RAD21: variants seen among roughly 807,000 people sequenced by gnomAD.
The protein encoded by RAD21 is RAD21 cohesin complex component.
In RAD21, 18 loss-of-function variants were observed where a neutral mutation model predicts 71.5. The ratio of observed to expected loss-of-function variants is 0.25; its 90% CI spans 0.17 to 0.37. The LOEUF is 0.37. RAD21 is among the 10% of genes least tolerant of loss of function. The pLI is 1.00. For missense variants in RAD21, 493 were observed against 769.1 expected (o/e 0.64, Z 4.25); for synonymous variants, 248 against 254.0 (o/e 0.98, Z 0.22).
intron 12 of RAD21, chr8:116,849,278 TGCGCTA>T: frequency 2.6e-6 from 1 of 389,632 alleles, no homozygotes; most frequent in Non-Finnish European, 4.5e-6. Flanking sequence ...GCTTCTATAT[TGCGCTA>T]TAAGGATGCT....
chr8:116,866,948 G>GA (rs941878102), intron 1 of RAD21, 187 bp from the exon 2 acceptor site: 643 of 371,616 alleles, frequency 1.7e-3, no homozygotes, highest in East Asian at 2.5e-3. Flanking sequence ...TTTGAGAGAG[G>GA]AAAAAAAAAT....
intron 2 of RAD21, among the ~76,000 whole-genome samples, chr8:116,864,301 C>T (rs1010570013): frequency 6.6e-6 from 1 of 151,750 alleles, no homozygotes; most frequent in Non-Finnish European, 1.5e-5. Flanking sequence ...TCTAAGGTAA[C>T]AAAAAAAGCT....
chr8:116,862,546 C>T (rs1428938261), intron 3 of RAD21, among the ~76,000 whole-genome samples: 1 of 151,956 alleles, frequency 6.6e-6, no homozygotes, highest in Non-Finnish European at 1.5e-5. Flanking sequence ...TCAGTAGAAA[C>T]TGTTTAAGGC....
intron 8 of RAD21, 104 bp from the exon 9 acceptor site, chr8:116,854,572 G>A: frequency 1.2e-6 from 1 of 827,532 alleles, no homozygotes; most frequent in Non-Finnish European, 1.9e-6. Flanking sequence ...TCTACACACA[G>A]ACTCTAGCAG....
At chr8:116,862,134 C>T (rs925462780) in intron 3 of RAD21, among the ~76,000 whole-genome samples, 194 bp from the exon 4 acceptor site, 4 of 152,036 alleles carry the variant, frequency 2.6e-5, no homozygotes, top group Non-Finnish European at 5.9e-5. Flanking sequence ...AGGAAAAAGT[C>T]AAAGCACTAA....
intron 1 of RAD21, among the ~76,000 whole-genome samples, chr8:116,868,408 T>G (rs1410613541): frequency 1.3e-5 from 2 of 152,176 alleles, no homozygotes; most frequent in African/African-American, 4.8e-5. Flanking sequence ...TAGAAGGACA[T>G]TTAGTTGCTT....
At chr8:116,849,968 C>T (rs16888890) in intron 12 of RAD21, among the ~76,000 whole-genome samples, 5,128 of 151,724 alleles carry the variant, frequency 0.034, 312 homozygotes, top group African/African-American at 0.12. Flanking sequence ...GTAACATATC[C>T]GATAGAGTAT....
intron 1 of RAD21, among the ~76,000 whole-genome samples, chr8:116,867,273 T>C (rs1391365904): frequency 1.3e-5 from 2 of 152,184 alleles, no homozygotes; most frequent in African/African-American, 4.8e-5. Flanking sequence ...GCTAAGCAGA[T>C]GGGCTGGCCC....
Position 116,857,414 on chromosome 8 carries a change from C to G in RAD21, c.541G>C (p.Asp181His), listed in dbSNP as rs1462000579. ...MREGSAFEDDDMLVSTTTSNL... is the reference protein window; with the variant it reads ...MREGSAFEDDHMLVSTTTSNL... ...GAAGTAGTAGTGCTTACTAACATGTCGTCATCCTCAAAAGCACTGCCTTCT... is the reference window on the plus strand; with the variant it reads ...GAAGTAGTAGTGCTTACTAACATGTGGTCATCCTCAAAAGCACTGCCTTCT... The change falls in exon 6 of 14, where the codon GAC (aspartate) becomes CAC (histidine). Residue 181 changes from aspartate to histidine, a missense_variant. Physicochemically the swap from Asp to His is moderately conservative, Grantham distance 81. Coordinates refer to ENST00000297338, the MANE Select transcript of RAD21 (RefSeq NM_006265.3). 6.2e-7 allele frequency: 1 copy of G among 1,613,400 alleles called. No individual in the cohort carries two copies. The highest frequency in any genetic ancestry group is 1.7e-5 in the Admixed American group (1 of 59,904).
chr8:116,872,220 C>T (rs997854921), intron 1 of RAD21, among the ~76,000 whole-genome samples: 2 of 152,298 alleles, frequency 1.3e-5, no homozygotes, highest in Non-Finnish European at 2.9e-5. Context: ...AAATACTACA[C>T]TATTTCATAT....
At chr8:116,874,116 C>A (rs1563696850) in intron 1 of RAD21, 1 of 151,836 alleles carries the variant, frequency 6.6e-6, no homozygotes, top group Non-Finnish European at 1.5e-5. Flanking sequence ...TTGAGCCCCG[C>A]ACCCGAGTTC....
rs946106967 is a variant in RAD21, at chr8:116,846,884, G to C, written c.*616C>G. 24 of 215,712 alleles carry C rather than the reference G, an allele frequency of 1.1e-4. No homozygotes were observed. The highest frequency in any genetic ancestry group is 5.4e-4 in the African/African-American group (24 of 44,340). 13.4% of individuals were successfully genotyped at this position (215,712 alleles called of 1,614,324 possible). On this transcript the variant is annotated 3_prime_UTR_variant, in exon 14 of 14. Transcript: ENST00000297338. ...TTACAAAATAGAACACTTTAAACCA[G>C]GTCAGTCCTATCTTTTTGTAGCTGA...
chr8:116,866,253 G>GGTT (rs1344459668), intron 2 of RAD21, among the ~76,000 whole-genome samples: 2 of 102,722 alleles, frequency 1.9e-5, no homozygotes, highest in Non-Finnish European at 3.9e-5. Context: ...CTTCCACGTC[G>GGTT]GTTTTTTTTT....
At chr8:116,864,721 G>C (rs545619903) in intron 2 of RAD21, among the ~76,000 whole-genome samples, 1 of 152,106 alleles carries the variant, frequency 6.6e-6, no homozygotes, top group Non-Finnish European at 1.5e-5. Flanking sequence ...TCTAGAACTA[G>C]CAACTTTCAA....
At chr8:116,872,834 T>A (rs954494045) in intron 1 of RAD21, among the ~76,000 whole-genome samples, 2 of 152,206 alleles carry the variant, frequency 1.3e-5, no homozygotes, top group Non-Finnish European at 2.9e-5. Context: ...TTTCTAACCC[T>A]GCACACTAGA....
At chr8:116,855,633 T>C (rs931715050) in intron 8 of RAD21, among the ~76,000 whole-genome samples, 1 of 152,116 alleles carries the variant, frequency 6.6e-6, no homozygotes, top group African/African-American at 2.4e-5. Flanking sequence ...ACTCCTGGCC[T>C]CAAGTGGTTT....
In RAD21 at chr8:116,846,979, C is replaced by T. The variant is rs1812263245; in HGVS notation, c.*521G>A. On this transcript the variant is annotated 3_prime_UTR_variant, in exon 14 of 14. Coordinates refer to ENST00000297338, the MANE Select transcript of RAD21 (RefSeq NM_006265.3). ...ATGGAATTACACTTAAAACGAATCT[C>T]AAGAGGGTGACCATTGTTGTTTCAG... 4.6e-6 allele frequency: 1 copy of T among 217,710 alleles called. No individual in the cohort carries two copies. Among genetic ancestry groups the T allele is most frequent in the Non-Finnish European group, 9.2e-6 (1 of 108,240 alleles). 13.5% of individuals were successfully genotyped at this position (217,710 alleles called of 1,614,324 possible). A position where few individuals can be genotyped will look rare whatever the true frequency, so the allele number is the denominator to read the frequency against.
At chr8:116,851,256 G>A (rs1160010889) in intron 11 of RAD21, 1 of 152,400 alleles carries the variant, frequency 6.6e-6, no homozygotes, top group Admixed American at 6.5e-5. Context: ...GAAGGAGGGT[G>A]GTTATGAAAG....
chr8:116,869,968 G>A (rs913884237), intron 1 of RAD21, among the ~76,000 whole-genome samples: 3 of 152,056 alleles, frequency 2.0e-5, no homozygotes, highest in East Asian at 1.9e-4. Flanking sequence ...TTTTAGTTAC[G>A]CGTATCACAA....
Sources: gnomAD v4.1 joint callset for allele counts (sites outside exome capture counted in the v4.1 genomes callset) on GRCh38, gnomAD v4.1.1 for gene constraint, MANE v1.5 for transcripts, NCBI Gene and HGNC (gene_info 2026-07-23, HGNC 2026-07-21) for gene names.